NEGR1: variants seen among roughly 807,000 people sequenced by gnomAD.
NEGR1 encodes IgLON family member 4.
A neutral mutation model predicts 40.9 loss-of-function variants in NEGR1; 10 were observed. The ratio of observed to expected loss-of-function variants is 0.24; its 90% confidence interval spans 0.15 to 0.42. NEGR1 has a LOEUF of 0.42. Ranked by LOEUF, NEGR1 falls within the 10% of genes least tolerant of loss-of-function variation. The pLI is 1.00. For synonymous variants in NEGR1, 185 were observed against 166.8 expected (o/e 1.11, Z -0.84); for missense variants, 352 against 438.9 (o/e 0.80, Z 1.77).
rs1323900774 is a variant in NEGR1, at chr1:71,607,334, A to G, written c.788+3692T>C. 3.3e-5 allele frequency among the ~76,000 whole-genome samples: 5 copies of G among 152,322 alleles called. No individual in the cohort carries two copies. The East Asian group carries it at 9.6e-4, about 29-fold the overall frequency. Reference sequence around the variant, plus strand: ...TTCTTATTTTGCAAATCCATAAACAACTTGAAATGCTTTTGCCCTTGGTAT... The same window carrying G: ...TTCTTATTTTGCAAATCCATAAACAGCTTGAAATGCTTTTGCCCTTGGTAT... On this transcript the variant is annotated intron_variant, in intron 5 of 6. Coordinates refer to ENST00000357731, the MANE Select transcript of NEGR1 (RefSeq NM_173808.3).
chr1:71,689,715 A>G (rs1001459740), intron 4 of NEGR1, among the ~76,000 whole-genome samples: 2 of 151,916 alleles, frequency 1.3e-5, no homozygotes, highest in African/African-American at 2.4e-5. Flanking sequence ...AAGTTGGTTT[A>G]GTATCACTAT....
chr1:71,825,141 T>C (rs540013005), intron 2 of NEGR1, among the ~76,000 whole-genome samples: 7 of 152,102 alleles, frequency 4.6e-5, no homozygotes, highest in African/African-American at 1.7e-4. Flanking sequence ...CATATCTCTG[T>C]CAACACTTGG....
intron 1 of NEGR1, among the ~76,000 whole-genome samples, chr1:72,273,639 T>G (rs1237676857): frequency 1.3e-5 from 2 of 151,860 alleles, no homozygotes; most frequent in African/African-American, 4.8e-5. Flanking sequence ...CAAAGAATAC[T>G]TTACCTTTAT....
rs927162047 is a variant in NEGR1, at chr1:71,917,642, G to A, written c.409+17437C>T. ...AAATACAAAAAATTAGCCGGGCCTG[G>A]TGGCGGGCGCCTGTAGTCGCCAGCT... On this transcript the variant is annotated intron_variant, in intron 2 of 6. Coordinates refer to ENST00000357731, the MANE Select transcript of NEGR1 (RefSeq NM_173808.3). 1.6e-4 allele frequency among the ~76,000 whole-genome samples: 24 copies of A among 151,788 alleles called. 1 individual carries two copies. The highest frequency in any genetic ancestry group is 5.8e-4 in the African/African-American group (24 of 41,398).
rs563119315 is a variant in NEGR1 at position 71,829,519 on chromosome 1, C to T, written c.410-53222G>A. On this transcript the variant is annotated intron_variant, in intron 2 of 6. Coordinates refer to ENST00000357731, the MANE Select transcript of NEGR1 (RefSeq NM_173808.3). ...ATACCTCAGGCCTAGACTCTAAGGT[C>T]CCGAACACCCGTTTGGTTTCTTGAC... Among the ~76,000 whole-genome samples the T allele has an allele frequency of 5.9e-5, 9 of 151,950 alleles. 1 individual carries two copies. In the South Asian group the frequency reaches 1.7e-3, roughly 28 times the overall value.
intron 1 of NEGR1, among the ~76,000 whole-genome samples, chr1:72,040,789 T>C (rs1177333104): frequency 2.6e-5 from 4 of 151,762 alleles, no homozygotes; most frequent in Non-Finnish European, 2.9e-5. Context: ...ACAATTGAAG[T>C]TGTAAAAAAT....
rs773803468 is a variant in NEGR1, at chr1:71,611,171, T to C, written c.668-25A>G. On this transcript the variant is annotated intron_variant, in intron 4 of 6. Transcript: ENST00000357731. ...ACTGCAAAAGAAACAAACAAACAAA[T>C]ACTAGTAGATAAGTAAAAATAATCC... 2.5e-6 allele frequency: 4 copies of C among 1,597,918 alleles called. No homozygotes were observed. The Admixed American group carries it at 6.7e-5, about 27-fold the overall frequency.
chr1:71,967,722 C>A (rs556964815), intron 1 of NEGR1, among the ~76,000 whole-genome samples: 7 of 152,290 alleles, frequency 4.6e-5, no homozygotes, highest in South Asian at 2.1e-4. Context: ...ATTTATCTTT[C>A]ATTTACATGT....
chr1:72,005,494 T>G (rs1241224565), intron 1 of NEGR1, among the ~76,000 whole-genome samples: 2 of 152,150 alleles, frequency 1.3e-5, no homozygotes, highest in African/African-American at 4.8e-5. Context: ...TAACAAAGCT[T>G]TTAATAATTA....
chr1:71,988,295 G>C (rs929537935), intron 1 of NEGR1, among the ~76,000 whole-genome samples: 1 of 152,122 alleles, frequency 6.6e-6, no homozygotes, highest in Non-Finnish European at 1.5e-5. Context: ...AGTAAAGGAG[G>C]TTGGGAGGCC....
At chr1:71,680,287 A>T (rs911018585) in intron 4 of NEGR1, among the ~76,000 whole-genome samples, 1 of 152,110 alleles carries the variant, frequency 6.6e-6, no homozygotes, top group African/African-American at 2.4e-5. Flanking sequence ...CAATGACTCC[A>T]TATCTTTAGT....
chr1:72,143,930 T>TGTATAAAAA (rs1650802751), intron 1 of NEGR1, among the ~76,000 whole-genome samples: 1 of 140,506 alleles, frequency 7.1e-6, no homozygotes, highest in Non-Finnish European at 1.5e-5. Flanking sequence ...TATATATATA[T>TGTATAAAAA]ATATATATAT....
intron 6 of NEGR1, among the ~76,000 whole-genome samples, chr1:71,520,087 G>A (rs1485734583): frequency 6.6e-6 from 1 of 151,968 alleles, no homozygotes; most frequent in African/African-American, 2.4e-5. Flanking sequence ...ATGAGAAACT[G>A]GCTTAATTTT....
At chr1:71,503,849 G>C (rs1305659587) in intron 6 of NEGR1, among the ~76,000 whole-genome samples, 1 of 151,598 alleles carries the variant, frequency 6.6e-6, no homozygotes, top group Non-Finnish European at 1.5e-5. Context: ...TTAGGAAAGC[G>C]GCCATAACCA....
At chr1:71,825,710 G>T (rs1281731127) in intron 2 of NEGR1, among the ~76,000 whole-genome samples, 1 of 151,788 alleles carries the variant, frequency 6.6e-6, no homozygotes, top group Non-Finnish European at 1.5e-5. Flanking sequence ...TTATGAAAAG[G>T]ATCACATGTG....
chr1:71,839,504 C>G (rs184917192), intron 2 of NEGR1, among the ~76,000 whole-genome samples: 7 of 152,078 alleles, frequency 4.6e-5, no homozygotes, highest in African/African-American at 1.7e-4. Flanking sequence ...AGTCACCACT[C>G]CTGGCCGAGA....
At chr1:72,212,862 CA>C (rs969962272) in intron 1 of NEGR1, among the ~76,000 whole-genome samples, 2 of 149,184 alleles carry the variant, frequency 1.3e-5, no homozygotes, top group South Asian at 2.1e-4. Context: ...TGTAAAAATG[CA>C]AAAAAAAAGT....
chr1:71,564,095 CA>C (rs1281294468), intron 6 of NEGR1, among the ~76,000 whole-genome samples: 2 of 152,156 alleles, frequency 1.3e-5, no homozygotes, highest in East Asian at 3.9e-4. Context: ...AAAGCTTTGG[CA>C]TTACCTGCGA....
At chr1:71,509,658 C>CT (rs1285549176) in intron 6 of NEGR1, among the ~76,000 whole-genome samples, 2 of 152,198 alleles carry the variant, frequency 1.3e-5, no homozygotes, top group Admixed American at 6.5e-5. Flanking sequence ...CTAACAAATT[C>CT]TTTTGATCCC....
Sources: gnomAD v4.1 joint callset for allele counts (sites outside exome capture counted in the v4.1 genomes callset) on GRCh38, gnomAD v4.1.1 for gene constraint, MANE v1.5 for transcripts, NCBI Gene and HGNC (gene_info 2026-07-23, HGNC 2026-07-21) for gene names.